THSD1: variants seen among roughly 807,000 people sequenced by gnomAD.
THSD1 encodes thrombospondin type-1 domain-containing protein 1.
A neutral mutation model predicts 46.3 loss-of-function variants in THSD1; 34 were observed. The ratio of observed to expected loss-of-function variants is 0.74; its 90% CI spans 0.56 to 0.98. The LOEUF (loss-of-function observed/expected upper bound fraction) is 0.98. Among genes scored for constraint, THSD1 ranks in the 50% least tolerant of loss-of-function variants. The probability of loss-of-function intolerance (pLI) is 0.00; values close to 1 mark genes in which losing one functional copy is unlikely to be tolerated. For synonymous variants in THSD1, 407 were observed against 416.5 expected (o/e 0.98, Z 0.28); for missense variants, 1,023 against 1,058.3 (o/e 0.97, Z 0.46).
intron 3 of THSD1, among the ~76,000 whole-genome samples, chr13:52,395,721 C>G (rs555612943): frequency 1.3e-5 from 2 of 152,070 alleles, no homozygotes; most frequent in African/African-American, 4.8e-5. Context: ...AGTGTGGTGT[C>G]ACAGAATCAA....
At chr13:52,390,621 T>C (rs1420522823) in intron 3 of THSD1, among the ~76,000 whole-genome samples, 1 of 152,198 alleles carries the variant, frequency 6.6e-6, no homozygotes, top group Non-Finnish European at 1.5e-5. Flanking sequence ...CCCCTCTGCT[T>C]GAAAAGCTTT....
intron 3 of THSD1, among the ~76,000 whole-genome samples, 191 bp from the exon 4 acceptor site, chr13:52,386,377 G>A (rs9536051): frequency 0.072 from 10,888 of 152,090 alleles, 517 homozygotes; most frequent in African/African-American, 0.13. Context: ...ATAATTTAAA[G>A]ATCTTAACCT....
At chr13:52,398,674 T>C (rs1957830195) in intron 2 of THSD1, 2 of 884,490 alleles carry the variant, frequency 2.3e-6, no homozygotes, top group South Asian at 5.2e-5. Flanking sequence ...TCATCTTTCA[T>C]AGTTAGGTTT....
chr13:52,377,232 G>C lies in THSD1; in HGVS notation c.*179C>G. 8 of 1,319,146 alleles carry C rather than the reference G, an allele frequency of 6.1e-6. No homozygotes were observed. The highest frequency in any genetic ancestry group is 7.8e-6 in the Non-Finnish European group (8 of 1,030,808). The allele number at this position is 1,319,146 out of a possible 1,614,324, so 81.7% of individuals were successfully genotyped here. Reference sequence around the variant, plus strand: ...AATCAATAGAAATTGAATAACAAAGGAAAAAGCTCAAGATAAATAATTTCT... The same window carrying C: ...AATCAATAGAAATTGAATAACAAAGCAAAAAGCTCAAGATAAATAATTTCT... On this transcript the variant is annotated 3_prime_UTR_variant, in exon 5 of 5. Coordinates refer to ENST00000258613, the MANE Select transcript of THSD1 (RefSeq NM_018676.4).
intron 4 of THSD1, among the ~76,000 whole-genome samples, chr13:52,383,035 G>A (rs987117914): frequency 2.6e-5 from 4 of 151,956 alleles, no homozygotes; most frequent in Non-Finnish European, 5.9e-5. Flanking sequence ...TCCAAGACTG[G>A]AGATGTCTTG....
chr13:52,398,255 C>T, intron 2 of THSD1, 61 bp from the exon 3 acceptor site: 4 of 1,535,686 alleles, frequency 2.6e-6, no homozygotes, highest in Non-Finnish European at 3.5e-6. Flanking sequence ...CTATTAGTGA[C>T]ATTGATGAAA....
Position 52,378,769 on chromosome 13 carries a change from A to G in THSD1, c.1201T>C (p.Ser401Pro), listed in dbSNP as rs762446992. The change falls in exon 5 of 5, where the codon TCT becomes CCT. Residue 401 changes from serine (S) to proline (P), a missense_variant. Coordinates refer to ENST00000258613, the MANE Select transcript of THSD1 (RefSeq NM_018676.4). The part of the protein sequence containing the change: ...ECAAFQPSSP[S>P]PLQPQGPVKS... ...ACTGGACCCTGGGGCTGAAGAGGAG[A>G]TGGGCTGGATGGCTGGAAAGCTGCA... 6.3e-7 allele frequency: 1 copy of G among 1,588,428 alleles called. No homozygotes were observed.
At chr13:52,402,842 T>C (rs1957875516) in intron 1 of THSD1, 161 bp from the exon 2 acceptor site, 2 of 979,992 alleles carry the variant, frequency 2.0e-6, no homozygotes, top group African/African-American at 1.7e-5. Flanking sequence ...CTTATAATTA[T>C]ACAAGCCTTT....
At position 52,378,785 on chromosome 13, in the gene THSD1, G is replaced by A. The variant is rs1237377104; in HGVS notation, c.1185C>T (p.Phe395=). The A allele has an allele frequency of 6.5e-7, 1 of 1,531,328 alleles. No individual in the cohort carries two copies. The highest frequency in any genetic ancestry group is 1.5e-5 in the African/African-American group (1 of 67,780). The allele number at this position is 1,531,328 out of a possible 1,614,324, so 94.9% of individuals were successfully genotyped here. A position where few individuals can be genotyped will look rare whatever the true frequency, so the allele number is the denominator to read the frequency against. ...GAAGAGGAGATGGGCTGGATGGCTG[G>A]AAAGCTGCAAAAAAAAACAAAACAA... ...SLCSLEECAA[F]QPSSPSPLQP... Residue 395 remains phenylalanine, a synonymous_variant, in exon 5 of 5, where the codon TTC becomes TTT. Coordinates refer to ENST00000258613, the MANE Select transcript of THSD1 (RefSeq NM_018676.4).
chr13:52,378,783 T>A lies in THSD1; in HGVS notation c.1187A>T (p.Gln396Leu), dbSNP rs1957666011. 1 of 1,545,094 alleles carries A rather than the reference T, an allele frequency of 6.5e-7. No individual in the cohort carries two copies. Among genetic ancestry groups the A allele is most frequent in the African/African-American group, 1.5e-5 (1 of 68,888 alleles). The change falls in exon 5 of 5, where the codon CAG (glutamine) becomes CTG (leucine). Residue 396 changes from glutamine to leucine, a missense_variant. Coordinates refer to ENST00000258613, the MANE Select transcript of THSD1 (RefSeq NM_018676.4). ...LCSLEECAAFQPSSPSPLQPQ... is the reference protein window; with the variant it reads ...LCSLEECAAFLPSSPSPLQPQ... ...CTGAAGAGGAGATGGGCTGGATGGC[T>A]GGAAAGCTGCAAAAAAAAACAAAAC...
intron 1 of THSD1, among the ~76,000 whole-genome samples, chr13:52,405,415 T>G (rs1957899089): frequency 6.6e-6 from 1 of 152,204 alleles, no homozygotes; most frequent in South Asian, 2.1e-4. Context: ...TGCACATGCT[T>G]GTGTGTATAT....
Position 52,401,355 on chromosome 13 carries a change from A to C in THSD1, c.58+1188T>G, listed in dbSNP as rs561277219. 4.6e-5 allele frequency among the ~76,000 whole-genome samples: 7 copies of C among 151,636 alleles called. No homozygotes were observed. In the East Asian group the frequency reaches 1.4e-3, roughly 29 times the overall value. On this transcript the variant is annotated intron_variant, in intron 2 of 4. Transcript: ENST00000258613. ...CGCTCTGTCACCCAGGCTAGAGTGC[A>C]GTGGTGCGATCTCGGCTCACTGCAA...
Position 52,398,151 on chromosome 13 carries a change from A to G in THSD1, c.102T>C (p.His34=), listed in dbSNP as rs1957826258. ...ACACTGTGTCGTTGCTTAGTGCTAC[A>G]TGGCCTGGCTCTCTCAAGAGAAGAT... ...AEYLLLREPG[H]VALSNDTVYV... is the part of the protein sequence containing the mutation. Residue 34 remains histidine (H), a synonymous_variant, in exon 3 of 5, where the codon CAT becomes CAC. Transcript: ENST00000258613. 1 of 1,614,206 alleles carries G rather than the reference A, an allele frequency of 6.2e-7. No homozygotes were observed. Among genetic ancestry groups the G allele is most frequent in the East Asian group, 2.2e-5 (1 of 44,890 alleles).
At chr13:52,403,020 T>C (rs1957876720) in intron 1 of THSD1, 1 of 857,872 alleles carries the variant, frequency 1.2e-6, no homozygotes, top group African/African-American at 1.8e-5. Flanking sequence ...TTTGGATACA[T>C]TTTCACATTA....
intron 1 of THSD1, 188 bp from the exon 2 acceptor site, chr13:52,402,869 TCA>T (rs1491203633): frequency 1.9e-5 from 19 of 984,922 alleles, no homozygotes; most frequent in Non-Finnish European, 2.3e-5. Flanking sequence ...CCATTATAAC[TCA>T]CAGGTCAAGA....
rs769185222 is a variant in THSD1 at position 52,397,296 on chromosome 13, A to G, written c.957T>C (p.Phe319=). Residue 319 remains phenylalanine, a synonymous_variant, in exon 3 of 5, where the codon TTT becomes TTC. Coordinates refer to ENST00000258613, the MANE Select transcript of THSD1 (RefSeq NM_018676.4). ...DMGKNKYCFD[F]GISSRSHFSA... ...AAAAATGGCTTCTGCTTGAAATGCC[A>G]AAGTCAAAGCAGTACTTATTCTTCC... The G allele has an allele frequency of 8.1e-6, 13 of 1,613,246 alleles. No individual in the cohort carries two copies. In the South Asian group the frequency reaches 1.4e-4, roughly 18 times the overall value.
At position 52,396,971 on chromosome 13, in the gene THSD1, A is replaced by C. The variant is rs1016848345; in HGVS notation, c.1021+261T>G. ...ACTATCCTGAGAGTGTTACATGTTG[A>C]TTTCGTTCAATCTCCACGACTCTGA... is the stretch of plus-strand genomic sequence containing the variant. On this transcript the variant is annotated intron_variant, in intron 3 of 4. Transcript: ENST00000258613. 4.3e-4 allele frequency among the ~76,000 whole-genome samples: 65 copies of C among 152,130 alleles called. 3 individuals are homozygous for C. Among genetic ancestry groups the C allele is most frequent in the Non-Finnish European group, 4.4e-5 (3 of 68,028 alleles).
chr13:52,383,968 C>G (rs533903928), intron 4 of THSD1: 73 of 193,390 alleles, frequency 3.8e-4, no homozygotes, highest in Non-Finnish European at 5.8e-4. Flanking sequence ...TTTGGGAGGC[C>G]GAGGCAGGCG....
chr13:52,395,259 G>A (rs939471882), intron 3 of THSD1, among the ~76,000 whole-genome samples: 1 of 152,210 alleles, frequency 6.6e-6, no homozygotes, highest in African/African-American at 2.4e-5. Context: ...GTCTAGGCAA[G>A]GGGTAACGGA....
Sources: gnomAD v4.1 joint callset for allele counts (sites outside exome capture counted in the v4.1 genomes callset) on GRCh38, gnomAD v4.1.1 for gene constraint, MANE v1.5 for transcripts, NCBI Gene and HGNC (gene_info 2026-07-23, HGNC 2026-07-21) for gene names.